FMNL2: variants seen among roughly 807,000 people sequenced by gnomAD.
The protein encoded by FMNL2 is formin like 2, also known as formin-like protein 2.
A neutral mutation model predicts 130.2 loss-of-function variants in FMNL2; 51 were observed. The observed-to-expected ratio is 0.39, with a 90% CI of 0.31 to 0.49. The LOEUF is 0.49. FMNL2 is among the 20% of genes least tolerant of loss of function. The pLI, the probability that FMNL2 is intolerant of heterozygous loss-of-function variation, is 0.85. For synonymous variants in FMNL2, 465 were observed against 467.1 expected (o/e 1.00, Z 0.06); for missense variants, 977 against 1,316.2 (o/e 0.74, Z 3.99).
At chr2:152,508,619 G>T (rs1166483039) in intron 1 of FMNL2, among the ~76,000 whole-genome samples, 1 of 152,214 alleles carries the variant, frequency 6.6e-6, no homozygotes, top group African/African-American at 2.4e-5. Flanking sequence ...TGCAAAGATT[G>T]AATGGTCAAT....
At chr2:152,417,993 T>C (rs1686706416) in intron 1 of FMNL2, among the ~76,000 whole-genome samples, 2 of 151,898 alleles carry the variant, frequency 1.3e-5, no homozygotes, top group African/African-American at 4.8e-5. Context: ...CTACAGGTGC[T>C]TGCCACCATG....
Position 152,335,548 on chromosome 2 carries a change from T to A in FMNL2, c.-56T>A. On this transcript the variant is annotated 5_prime_UTR_variant, in exon 1 of 26. Coordinates refer to ENST00000288670, the MANE Select transcript of FMNL2 (RefSeq NM_052905.4). Reference sequence around the variant, plus strand: ...GCCGACCGCCGGGAGCTGTTCTGATTTCCGACGCGCACGCTAGGGGCCCGG... The same window carrying A: ...GCCGACCGCCGGGAGCTGTTCTGATATCCGACGCGCACGCTAGGGGCCCGG... The A allele has an allele frequency of 6.8e-7, 1 of 1,468,024 alleles. No homozygotes were observed. The highest frequency in any genetic ancestry group is 9.3e-7 in the Non-Finnish European group (1 of 1,078,564). 90.9% of individuals were successfully genotyped at this position (1,468,024 alleles called of 1,614,324 possible). A position where few individuals can be genotyped will look rare whatever the true frequency, so the allele number is the denominator to read the frequency against.
At chr2:152,537,513 C>G (rs1694058116) in intron 2 of FMNL2, among the ~76,000 whole-genome samples, 1 of 152,206 alleles carries the variant, frequency 6.6e-6, no homozygotes, top group Non-Finnish European at 1.5e-5. Context: ...TTCTTTGGCT[C>G]TGACGTGAGC....
chr2:152,591,735 G>A (rs1308741891), intron 9 of FMNL2, among the ~76,000 whole-genome samples: 2 of 152,182 alleles, frequency 1.3e-5, no homozygotes, highest in Non-Finnish European at 2.9e-5. Flanking sequence ...GGGTCTAGGG[G>A]GTCAAGACTG....
rs749726414 is a variant in FMNL2, at chr2:152,479,718, GTTTT to G, written c.118-42205_118-42202del. Among the ~76,000 whole-genome samples, 261 of 96,738 alleles carry G rather than the reference GTTTT, an allele frequency of 2.7e-3. 2 individuals carry two copies. The highest frequency in any genetic ancestry group is 8.0e-3 in the African/African-American group (218 of 27,094). 63.5% of individuals were successfully genotyped at this position (96,738 alleles called of 152,430 possible). A position where few individuals can be genotyped will look rare whatever the true frequency, so the allele number is the denominator to read the frequency against. ...GATGGATTCATGGATGTTGTGGGTT[GTTTT>G]TTTTTTTTTTTTTTTTTTTACTCTG... On this transcript the variant is annotated intron_variant, in intron 1 of 25. Coordinates refer to ENST00000288670, the MANE Select transcript of FMNL2 (RefSeq NM_052905.4).
chr2:152,519,859 C>T (rs1431282972), intron 1 of FMNL2, among the ~76,000 whole-genome samples: 1 of 152,126 alleles, frequency 6.6e-6, no homozygotes, highest in Non-Finnish European at 1.5e-5. Context: ...TTAGTGAGGA[C>T]TCAAGAGGAA....
chr2:152,555,438 T>C (rs1312733764), intron 4 of FMNL2, among the ~76,000 whole-genome samples: 2 of 152,198 alleles, frequency 1.3e-5, no homozygotes, highest in Non-Finnish European at 2.9e-5. Context: ...TCCTTTCTGT[T>C]GTGCAACTTT....
intron 1 of FMNL2, among the ~76,000 whole-genome samples, chr2:152,439,079 T>TTGTGTGTGTGTGTGTGTG (rs10539703): frequency 2.9e-4 from 42 of 144,588 alleles, no homozygotes; most frequent in African/African-American, 1.1e-3. Context: ...TTCAGTTTAA[T>TTGTGTGTGTGTGTGTGTG]TGTGTGTGTG....
chr2:152,386,280 C>T (rs145237971), intron 1 of FMNL2, among the ~76,000 whole-genome samples: 159 of 152,268 alleles, frequency 1.0e-3, no homozygotes, highest in Non-Finnish European at 1.7e-3. Context: ...ACTGTAATCC[C>T]GGGTGCACAC....
chr2:152,605,307 CGT>C (rs376630272), intron 9 of FMNL2, among the ~76,000 whole-genome samples: 7 of 148,160 alleles, frequency 4.7e-5, no homozygotes, highest in East Asian at 2.0e-4. Context: ...TGTGCGTGTG[CGT>C]GTGTGTGTGC....
chr2:152,359,333 G>A (rs1338287706), intron 1 of FMNL2, among the ~76,000 whole-genome samples: 1 of 152,156 alleles, frequency 6.6e-6, no homozygotes, highest in Non-Finnish European at 1.5e-5. Flanking sequence ...TAGGTGCAGA[G>A]TTTGAGCAAC....
intron 2 of FMNL2, among the ~76,000 whole-genome samples, chr2:152,538,086 T>A (rs1694094726): frequency 6.6e-6 from 1 of 152,164 alleles, no homozygotes; most frequent in Non-Finnish European, 1.5e-5. Flanking sequence ...CAAAAAGTAC[T>A]GCCCCACATG....
intron 1 of FMNL2, among the ~76,000 whole-genome samples, chr2:152,371,098 C>T (rs1683848812): frequency 6.6e-6 from 1 of 152,208 alleles, no homozygotes; most frequent in Non-Finnish European, 1.5e-5. Context: ...AGCATGGCAT[C>T]TGGGAGCAAT....
chr2:152,352,716 T>A (rs568162968), intron 1 of FMNL2, among the ~76,000 whole-genome samples: 13,342 of 151,412 alleles, frequency 0.088, 649 homozygotes, highest in African/African-American at 0.14. Flanking sequence ...ATCAAATCTT[T>A]TTTTTTTTTT....
chr2:152,439,809 C>T (rs551092432), intron 1 of FMNL2, among the ~76,000 whole-genome samples: 33 of 147,392 alleles, frequency 2.2e-4, no homozygotes, highest in Non-Finnish European at 4.5e-4. Flanking sequence ...TCTAGTATGC[C>T]GTGTCTGTGG....
intron 1 of FMNL2, among the ~76,000 whole-genome samples, chr2:152,434,584 G>A (rs13428569): frequency 0.082 from 12,521 of 152,068 alleles, 789 homozygotes; most frequent in East Asian, 0.2. Flanking sequence ...GTGGCACCAT[G>A]GTAAGGCAGG....
intron 3 of FMNL2, among the ~76,000 whole-genome samples, chr2:152,546,929 C>G (rs1023841453): frequency 2.0e-5 from 3 of 150,862 alleles, no homozygotes; most frequent in African/African-American, 4.9e-5. Context: ...GCCCATCCTG[C>G]ATTACTTGCC....
chr2:152,356,280 G>A lies in FMNL2; in HGVS notation c.117+20560G>A, dbSNP rs140673939. Among the ~76,000 whole-genome samples the A allele has an allele frequency of 3.6e-4, 54 of 152,104 alleles. No individual in the cohort carries two copies. In the East Asian group the frequency reaches 7.5e-3, roughly 21 times the overall value. ...TGGGATTACAGGTGTGCGCCACCACGCCTGGCTAATGTTTTTGTATTTTTG... is the reference window on the plus strand; with the variant it reads ...TGGGATTACAGGTGTGCGCCACCACACCTGGCTAATGTTTTTGTATTTTTG... On this transcript the variant is annotated intron_variant, in intron 1 of 25. Transcript: ENST00000288670.
intron 17 of FMNL2, among the ~76,000 whole-genome samples, chr2:152,627,399 A>T (rs1168423622): frequency 6.6e-6 from 1 of 152,228 alleles, no homozygotes; most frequent in East Asian, 1.9e-4. Context: ...TGTGATGAAG[A>T]CATTATTAAA....
Sources: gnomAD v4.1 joint callset for allele counts (sites outside exome capture counted in the v4.1 genomes callset) on GRCh38, gnomAD v4.1.1 for gene constraint, MANE v1.5 for transcripts, NCBI Gene and HGNC (gene_info 2026-07-23, HGNC 2026-07-21) for gene names.